The following CTIF variants were observed in gnomAD, a reference collection of about 807,000 sequenced individuals.
The protein encoded by CTIF is CBP80/20-dependent translation initiation factor.
Under a neutral mutation model 66.0 loss-of-function variants are expected in CTIF, and 21 were observed. The ratio of observed to expected loss-of-function variants is 0.32; its 90% CI spans 0.23 to 0.46. The LOEUF (loss-of-function observed/expected upper bound fraction) is 0.46. Among genes scored for constraint, CTIF ranks in the 20% least tolerant of loss-of-function variants. The probability of loss-of-function intolerance (pLI) is 1.00; values close to 1 mark genes in which losing one functional copy is unlikely to be tolerated. For synonymous variants in CTIF, 345 were observed against 326.4 expected, an observed-to-expected ratio of 1.06 and a Z score of -0.62; for missense variants, 739 against 812.7, an observed-to-expected ratio of 0.91 and a Z score of 1.10.
chr18:48,778,490 G>A (rs1433316593), intron 9 of CTIF, among the ~76,000 whole-genome samples: 1 of 152,204 alleles, frequency 6.6e-6, no homozygotes, highest in Non-Finnish European at 1.5e-5. Flanking sequence ...TCATCGATGG[G>A]ACTCTCATCC....
intron 6 of CTIF, among the ~76,000 whole-genome samples, chr18:48,672,369 A>T (rs1598842596): frequency 6.6e-6 from 1 of 152,246 alleles, no homozygotes; most frequent in East Asian, 1.9e-4. Context: ...TGTCCAATGC[A>T]ATGTGGGATA....
At chr18:48,569,754 C>T (rs2089368808) in intron 1 of CTIF, among the ~76,000 whole-genome samples, 2 of 152,108 alleles carry the variant, frequency 1.3e-5, no homozygotes, top group African/African-American at 4.8e-5. Context: ...ACTTTGCTCC[C>T]CAGTGTCTTT....
chr18:48,676,109 G>T (rs1165128336), intron 6 of CTIF, among the ~76,000 whole-genome samples: 2 of 152,116 alleles, frequency 1.3e-5, no homozygotes, highest in African/African-American at 4.8e-5. Flanking sequence ...CGACCAGTGT[G>T]AGAAAGACGG....
intron 2 of CTIF, among the ~76,000 whole-genome samples, chr18:48,620,106 A>G (rs946618980): frequency 5.3e-5 from 8 of 152,230 alleles, no homozygotes; most frequent in South Asian, 2.1e-4. Context: ...TCGCTTCTCC[A>G]TAATGCATAC....
chr18:48,597,526 G>A (rs1042614366), intron 1 of CTIF, among the ~76,000 whole-genome samples: 2 of 152,076 alleles, frequency 1.3e-5, no homozygotes, highest in African/African-American at 2.4e-5. Flanking sequence ...CTGAGTTCAC[G>A]TGAGACCTGG....
chr18:48,794,961 G>C (rs1452675372), intron 9 of CTIF, among the ~76,000 whole-genome samples: 1 of 152,134 alleles, frequency 6.6e-6, no homozygotes, highest in Admixed American at 6.6e-5. Flanking sequence ...TGAGTAGATG[G>C]ATAGATGGAT....
chr18:48,735,360 T>G (rs986243458), intron 7 of CTIF, among the ~76,000 whole-genome samples: 7 of 152,110 alleles, frequency 4.6e-5, no homozygotes, highest in Non-Finnish European at 1.0e-4. Context: ...GAGAAGCCAG[T>G]GAAGAATTAG....
chr18:48,562,209 G>A (rs2089178280), intron 1 of CTIF, among the ~76,000 whole-genome samples: 1 of 152,220 alleles, frequency 6.6e-6, no homozygotes, highest in Non-Finnish European at 1.5e-5. Context: ...CTTTAAAACT[G>A]TTAACTTACT....
At chr18:48,655,463 A>C (rs554018156) in intron 3 of CTIF, among the ~76,000 whole-genome samples, 50 of 152,282 alleles carry the variant, frequency 3.3e-4, no homozygotes, top group Non-Finnish European at 1.5e-5. Flanking sequence ...CCCCGTGTCC[A>C]TGAAGTGAGA....
At chr18:48,842,589 C>A (rs2068971220) in intron 10 of CTIF, among the ~76,000 whole-genome samples, 2 of 152,168 alleles carry the variant, frequency 1.3e-5, no homozygotes, top group Non-Finnish European at 2.9e-5. Context: ...CTGGGCAATG[C>A]TTTCCAGAGG....
At chr18:48,805,893 G>C (rs1427462583) in intron 9 of CTIF, among the ~76,000 whole-genome samples, 1 of 152,002 alleles carries the variant, frequency 6.6e-6, no homozygotes, top group Admixed American at 6.6e-5. Context: ...TATGCATCCG[G>C]TCCACACACG....
intron 4 of CTIF, among the ~76,000 whole-genome samples, chr18:48,664,210 C>T (rs776203640): frequency 3.3e-5 from 5 of 152,192 alleles, no homozygotes; most frequent in Non-Finnish European, 7.3e-5. Flanking sequence ...TTGCAGAGGC[C>T]GCTGTGCAAT....
intron 1 of CTIF, among the ~76,000 whole-genome samples, chr18:48,578,968 T>C (rs991918474): frequency 6.6e-6 from 1 of 152,214 alleles, no homozygotes; most frequent in Admixed American, 6.5e-5. Context: ...GGTTCATGGT[T>C]GTACAACGCT....
At chr18:48,768,200 A>C (rs1021911026) in intron 9 of CTIF, among the ~76,000 whole-genome samples, 30 of 151,874 alleles carry the variant, frequency 2.0e-4, no homozygotes, top group African/African-American at 7.0e-4. Context: ...GAAGTTCCTA[A>C]CTCTTATCTT....
intron 7 of CTIF, among the ~76,000 whole-genome samples, chr18:48,753,356 G>A (rs1908022709): frequency 6.6e-6 from 1 of 152,132 alleles, no homozygotes; most frequent in Non-Finnish European, 1.5e-5. Flanking sequence ...AATAAAAAAC[G>A]AACAGAGGGA....
intron 1 of CTIF, among the ~76,000 whole-genome samples, chr18:48,599,054 C>T (rs1199321398): frequency 3.9e-5 from 6 of 152,268 alleles, no homozygotes; most frequent in East Asian, 1.9e-4. Context: ...ACTGCCCACC[C>T]GACGGGGGCC....
chr18:48,586,890 A>G (rs907119545), intron 1 of CTIF, among the ~76,000 whole-genome samples: 3 of 152,048 alleles, frequency 2.0e-5, no homozygotes, highest in Admixed American at 6.6e-5. Context: ...GGAACATTAG[A>G]AAAACTGCTT....
At chr18:48,582,100 C>T (rs1024967519) in intron 1 of CTIF, among the ~76,000 whole-genome samples, 16 of 150,088 alleles carry the variant, frequency 1.1e-4, no homozygotes, top group Admixed American at 4.0e-4. Context: ...AAGTGGGAGG[C>T]GTGGTGGGGT....
chr18:48,725,253 T>TA (rs761613192), intron 7 of CTIF, among the ~76,000 whole-genome samples: 1 of 152,102 alleles, frequency 6.6e-6, no homozygotes, highest in East Asian at 1.9e-4. Flanking sequence ...GTGAGACACT[T>TA]AGAGGGCAGG....
Sources: gnomAD v4.1 joint callset for allele counts (sites outside exome capture counted in the v4.1 genomes callset) on GRCh38, gnomAD v4.1.1 for gene constraint, MANE v1.5 for transcripts, NCBI Gene and HGNC (gene_info 2026-07-23, HGNC 2026-07-21) for gene names.